Variants in HK1 observed in about 807,000 individuals in gnomAD.
HK1 encodes the protein hexokinase-1.
Under a neutral mutation model 91.6 loss-of-function variants are expected in HK1, and 28 were observed. That is an observed-to-expected ratio of 0.31 (90% CI 0.23 to 0.42). The LOEUF (loss-of-function observed/expected upper bound fraction) is 0.42, where lower values mean the gene tolerates loss of function less well. HK1 is among the 10% of genes least tolerant of loss of function. HK1 has a pLI of 1.00. For synonymous variants in HK1, 430 were observed against 468.1 expected, an observed-to-expected ratio of 0.92 and a Z score of 1.05; for missense variants, 770 against 1,219.8, an observed-to-expected ratio of 0.63 and a Z score of 5.49.
rs190326557 is a variant in HK1, at chr10:69,376,468, C to G, written c.876-466C>G. 7.2e-5 allele frequency among the ~76,000 whole-genome samples: 11 copies of G among 152,128 alleles called. No individual in the cohort carries two copies. The East Asian group carries it at 2.1e-3, about 29-fold the overall frequency. ...GCAGAGAGTCGAGATTGTGTCACTG[C>G]GCTCTAGCCTGGGCGACAGTGAGAC... On this transcript the variant is annotated intron_variant, in intron 7 of 17. Coordinates refer to ENST00000359426, the MANE Select transcript of HK1 (RefSeq NM_000188.3).
upstream of HK1, chr10:69,318,242 C>G (rs1846759683): frequency 1.0e-6 from 1 of 985,048 alleles, no homozygotes; most frequent in Non-Finnish European, 1.2e-6. Flanking sequence ...CCAGGTAGGC[C>G]GGTGCGTTCG....
chr10:69,305,927 TGAGGC>T (rs1846082118), intron 5 of HK1, among the ~76,000 whole-genome samples: 1 of 151,326 alleles, frequency 6.6e-6, no homozygotes, highest in South Asian at 2.1e-4. Flanking sequence ...AGAAAATGAC[TGAGGC>T]GAGTCTCAAT....
chr10:69,385,732 C>T (rs532208238), intron 12 of HK1, among the ~76,000 whole-genome samples: 7 of 152,280 alleles, frequency 4.6e-5, no homozygotes, highest in South Asian at 2.1e-4. Context: ...CCAGTTACAT[C>T]GCTGACTTGG....
In HK1 at chr10:69,299,222, G is replaced by T. The variant is rs543486961; in HGVS notation, c.-66-1547G>T. On this transcript the variant is annotated intron_variant, in intron 4 of 21. Transcript: ENST00000360289. The stretch of plus-strand genomic sequence containing the variant: ...GGGTCTCGCTCTGTCATGCAGGCTG[G>T]AGTGCAGTGGTGCGATCTTGGCTCA... Among the ~76,000 whole-genome samples the T allele has an allele frequency of 4.6e-5, 7 of 151,876 alleles. No homozygotes were observed. In the East Asian group the frequency reaches 1.3e-3, roughly 29 times the overall value.
rs567144821 is a variant in HK1 at position 69,384,302 on chromosome 10, T to C, written c.1571-31T>C. 6 of 1,614,234 alleles carry C rather than the reference T, an allele frequency of 3.7e-6. No individual in the cohort carries two copies. The East Asian group carries it at 8.9e-5, about 24-fold the overall frequency. ...GCTGCCAAGAGGCACTTAGCTGTTT[T>C]TGACATTCTTTACGCTTTTGACTGC... On this transcript the variant is annotated intron_variant, in intron 10 of 17. Coordinates refer to ENST00000359426, the MANE Select transcript of HK1 (RefSeq NM_000188.3).
chr10:69,272,759 T>C (rs1441722366), intron 1 of HK1, among the ~76,000 whole-genome samples: 1 of 151,976 alleles, frequency 6.6e-6, no homozygotes, highest in African/African-American at 2.4e-5. Flanking sequence ...TTTGTTTTAG[T>C]GCATGTGTTC....
At chr10:69,374,158 A>G (rs868769985) in intron 7 of HK1, among the ~76,000 whole-genome samples, 3 of 152,088 alleles carry the variant, frequency 2.0e-5, no homozygotes, top group African/African-American at 4.8e-5. Context: ...CTGCTGCTCC[A>G]TGGAATCTCT....
chr10:69,348,805 C>CAA (rs772998927), intron 2 of HK1, among the ~76,000 whole-genome samples: 3 of 133,238 alleles, frequency 2.3e-5, no homozygotes, highest in Non-Finnish European at 3.3e-5. Flanking sequence ...AACTCTGTCT[C>CAA]AAAAAAAAAA....
chr10:69,385,571 C>A (rs76006912), intron 12 of HK1, among the ~76,000 whole-genome samples: 2 of 152,172 alleles, frequency 1.3e-5, no homozygotes, highest in Admixed American at 1.3e-4. Flanking sequence ...CAGCCTGTCA[C>A]GCTGGAAGAG....
At chr10:69,301,100 G>A (rs1275734062) in intron 5 of HK1, among the ~76,000 whole-genome samples, 1 of 151,898 alleles carries the variant, frequency 6.6e-6, no homozygotes, top group Admixed American at 6.6e-5. Context: ...ACAAAAATTA[G>A]CCGGGTGTAG....
chr10:69,383,123 G>A (rs1293998410), intron 10 of HK1, among the ~76,000 whole-genome samples: 2 of 152,030 alleles, frequency 1.3e-5, no homozygotes, highest in South Asian at 2.1e-4. Context: ...GACTGCTTGA[G>A]CCCAGGAGTT....
chr10:69,354,516 A>G (rs1396223607), intron 2 of HK1, among the ~76,000 whole-genome samples: 1 of 152,188 alleles, frequency 6.6e-6, no homozygotes, highest in African/African-American at 2.4e-5. Flanking sequence ...TATCACGAGA[A>G]CAGCATGGGG....
intron 15 of HK1, among the ~76,000 whole-genome samples, chr10:69,392,804 A>G (rs57301486): frequency 0.072 from 10,922 of 152,202 alleles, 1,307 homozygotes; most frequent in African/African-American, 0.25. Context: ...GAATCAGGCC[A>G]TCCTCTGCCA....
chr10:69,323,410 G>A (rs1286758284), intron 1 of HK1, among the ~76,000 whole-genome samples: 1 of 150,942 alleles, frequency 6.6e-6, no homozygotes, highest in Non-Finnish European at 1.5e-5. Context: ...TGTAGTCACA[G>A]CTACTCAGGA....
chr10:69,391,762 G>C (rs1348848665), intron 14 of HK1, among the ~76,000 whole-genome samples: 2 of 152,188 alleles, frequency 1.3e-5, no homozygotes, highest in African/African-American at 4.8e-5. Flanking sequence ...ATGATGTTGT[G>C]TGTGTACGTA....
At chr10:69,397,299 T>A (rs1840186279) in intron 16 of HK1, among the ~76,000 whole-genome samples, 2 of 152,164 alleles carry the variant, frequency 1.3e-5, no homozygotes, top group South Asian at 4.1e-4. Flanking sequence ...TTTCTCCACA[T>A]CCTCGCCAAC....
chr10:69,343,049 G>A (rs115865666), intron 1 of HK1, among the ~76,000 whole-genome samples: 147 of 152,318 alleles, frequency 9.7e-4, no homozygotes, highest in African/African-American at 3.3e-3. Context: ...CGGAGGTGCA[G>A]GGCCCATGGC....
At chr10:69,398,457 TA>T (rs1840237761) in intron 16 of HK1, 137 bp from the exon 17 acceptor site, 2 of 724,366 alleles carry the variant, frequency 2.8e-6, no homozygotes, top group Non-Finnish European at 4.9e-6. Context: ...CTCCACAGTT[TA>T]ACATGTAACA....
chr10:69,382,647 C>A lies in HK1; in HGVS notation c.1426C>A (p.His476Asn), dbSNP rs113893857. The A allele has an allele frequency of 3.8e-5, 61 of 1,614,072 alleles. 1 individual carries two copies. In the South Asian group the frequency reaches 6.6e-4, roughly 17 times the overall value. Reference protein sequence around the residue: ...QHRQIEETLAHFHLTKDMLLE... With the variant: ...QHRQIEETLANFHLTKDMLLE... ...CCGGCAGATAGAGGAGACCCTGGCTCATTTCCACCTCACCAAGGACATGCT... is the reference window on the plus strand; with the variant it reads ...CCGGCAGATAGAGGAGACCCTGGCTAATTTCCACCTCACCAAGGACATGCT... The change falls in exon 10 of 18, where the codon CAT becomes AAT. Residue 476 changes from histidine (H) to asparagine (N), a missense_variant. Transcript: ENST00000359426.
Sources: allele counts gnomAD v4.1 joint callset (sites outside exome capture counted in the v4.1 genomes callset), GRCh38; gene constraint gnomAD v4.1.1; transcripts MANE v1.5; gene names NCBI Gene and HGNC (gene_info 2026-07-23, HGNC 2026-07-21).